ARB2A: variants seen among roughly 807,000 people sequenced by gnomAD.
ARB2A encodes cotranscriptional regulator ARB2A.
At chr5:93,664,653 A>C in the ARB2A span, among the ~76,000 whole-genome samples, 1 of 148,274 alleles carries the variant, frequency 6.7e-6, no homozygotes, top group Non-Finnish European at 1.5e-5. Flanking sequence ...ATATATATAT[A>C]ATAATAATAA....
chr5:93,741,009 T>C, the ARB2A span: 2 of 1,613,886 alleles, frequency 1.2e-6, no homozygotes, highest in Non-Finnish European at 1.7e-6. Context: ...TCAGCCACTT[T>C]TTCAGCAGTG....
At chr5:93,947,376 T>C in the ARB2A span, among the ~76,000 whole-genome samples, 2 of 152,140 alleles carry the variant, frequency 1.3e-5, no homozygotes, top group Non-Finnish European at 2.9e-5. Context: ...AAGTTGTTTA[T>C]TTACCCTACC....
At chr5:94,071,394 C>T in the ARB2A span, among the ~76,000 whole-genome samples, 2 of 151,902 alleles carry the variant, frequency 1.3e-5, no homozygotes, top group African/African-American at 2.4e-5. Context: ...AATTGATAAA[C>T]AGGACTTCAT....
chr5:93,878,767 T>C, the ARB2A span, among the ~76,000 whole-genome samples: 5 of 152,090 alleles, frequency 3.3e-5, no homozygotes, highest in African/African-American at 1.2e-4. Context: ...TATTGTATCA[T>C]ACATTTACTA....
chr5:93,806,238 G>A, the ARB2A span, among the ~76,000 whole-genome samples: 2 of 151,862 alleles, frequency 1.3e-5, no homozygotes, highest in Admixed American at 1.3e-4. Context: ...AGTACTTGAA[G>A]AGGTTTTCCA....
the ARB2A span, among the ~76,000 whole-genome samples, chr5:94,046,949 A>G: frequency 5.9e-5 from 9 of 152,226 alleles, no homozygotes; most frequent in Non-Finnish European, 1.0e-4. Flanking sequence ...AAATTCAATT[A>G]ATAATTAACC....
the ARB2A span, among the ~76,000 whole-genome samples, chr5:93,924,161 G>A: frequency 1.1e-4 from 16 of 152,030 alleles, no homozygotes; most frequent in Non-Finnish European, 1.3e-4. Flanking sequence ...GTAGCTACAC[G>A]ATGAAAAATT....
the ARB2A span, among the ~76,000 whole-genome samples, chr5:93,635,459 G>GTTTTTTTTTTTTTTTT: frequency 9.5e-4 from 123 of 128,910 alleles, 4 homozygotes; most frequent in African/African-American, 3.6e-3. Context: ...TTATACGAAA[G>GTTTTTTTTTTTTTTTT]TTTTTTTTTT....
chr5:93,640,043 G>A, the ARB2A span, among the ~76,000 whole-genome samples: 1 of 122,570 alleles, frequency 8.2e-6, no homozygotes, highest in Non-Finnish European at 1.6e-5. Flanking sequence ...CAGCCCGGGT[G>A]ACAGTGAGAG....
chr5:93,795,098 C>T, the ARB2A span, among the ~76,000 whole-genome samples: 1 of 152,028 alleles, frequency 6.6e-6, no homozygotes, highest in South Asian at 2.1e-4. Context: ...TGTGTCTGAG[C>T]TCAGTCTCTC....
the ARB2A span, among the ~76,000 whole-genome samples, chr5:93,761,306 G>A: frequency 1.3e-5 from 2 of 152,166 alleles, no homozygotes; most frequent in African/African-American, 4.8e-5. Flanking sequence ...CCCTTTCCTA[G>A]TCAAAGAAAG....
At chr5:93,796,843 G>T in the ARB2A span, among the ~76,000 whole-genome samples, 1 of 152,140 alleles carries the variant, frequency 6.6e-6, no homozygotes, top group African/African-American at 2.4e-5. Context: ...GAAATAAATG[G>T]TTTGAAAGGT....
chr5:93,985,642 C>T, the ARB2A span, among the ~76,000 whole-genome samples: 3 of 152,224 alleles, frequency 2.0e-5, no homozygotes, highest in African/African-American at 7.2e-5. Flanking sequence ...CCGGGCTGGT[C>T]TCCTGCTCCT....
the ARB2A span, among the ~76,000 whole-genome samples, chr5:94,068,335 G>T: frequency 6.6e-6 from 1 of 152,254 alleles, no homozygotes; most frequent in Non-Finnish European, 1.5e-5. Context: ...TGGATCAGGA[G>T]CACAACGGAC....
chr5:94,111,233 G>A, the ARB2A span, among the ~76,000 whole-genome samples: 15 of 152,146 alleles, frequency 9.9e-5, no homozygotes, highest in Admixed American at 8.5e-4. Context: ...TCTGTCTCCA[G>A]GGACTCCCAG....
chr5:93,659,738 T>TA, the ARB2A span, among the ~76,000 whole-genome samples: 1 of 152,162 alleles, frequency 6.6e-6, no homozygotes, highest in African/African-American at 2.4e-5. Flanking sequence ...ACAAGGGCTG[T>TA]AGTTATAATG....
the ARB2A span, among the ~76,000 whole-genome samples, chr5:93,915,379 C>T: frequency 9.9e-5 from 15 of 151,626 alleles, no homozygotes; most frequent in African/African-American, 3.1e-4. Context: ...CCCTTGCTTT[C>T]ACTTACTTCT....
chr5:93,998,326 G>A, the ARB2A span, among the ~76,000 whole-genome samples: 8 of 151,874 alleles, frequency 5.3e-5, no homozygotes, highest in East Asian at 3.9e-4. Context: ...ATCTCTATTC[G>A]TAATAGAATT....
the ARB2A span, among the ~76,000 whole-genome samples, chr5:94,036,191 A>T: frequency 6.6e-6 from 1 of 152,158 alleles, no homozygotes; most frequent in Admixed American, 6.5e-5. Context: ...ATTTAAGCTC[A>T]TATGTTTCAT....
Sources: gnomAD v4.1 joint callset for allele counts (sites outside exome capture counted in the v4.1 genomes callset) on GRCh38, gnomAD v4.1.1 for gene constraint, MANE v1.5 for transcripts, NCBI Gene and HGNC (gene_info 2026-07-23, HGNC 2026-07-21) for gene names.